The following KIZ variants were observed in gnomAD, a reference collection of about 807,000 sequenced individuals.
KIZ encodes the protein kizuna centrosomal protein.
Under a neutral mutation model 79.6 loss-of-function variants are expected in KIZ, and 68 were observed. That is an observed-to-expected ratio of 0.85 (90% CI 0.70 to 1.05). KIZ has a LOEUF of 1.05. Ranked by LOEUF, KIZ falls within the 50% of genes least tolerant of loss-of-function variation. KIZ has a pLI of 0.00. For missense variants in KIZ, 797 were observed against 800.4 expected (o/e 1.00, Z 0.05); for synonymous variants, 280 against 281.8 (o/e 0.99, Z 0.06).
chr20:21,174,938 G>T (rs994472562), intron 6 of KIZ, among the ~76,000 whole-genome samples: 4 of 152,226 alleles, frequency 2.6e-5, no homozygotes, highest in African/African-American at 9.6e-5. Context: ...ATAAGGAGCT[G>T]GAAGCATATT....
At chr20:21,190,432 T>A (rs749699186) in intron 6 of KIZ, among the ~76,000 whole-genome samples, 5 of 152,204 alleles carry the variant, frequency 3.3e-5, no homozygotes, top group African/African-American at 4.8e-5. Context: ...ACTATGGGGG[T>A]AGAGCTTCTA....
chr20:21,142,729 G>T (rs933898080), intron 3 of KIZ, among the ~76,000 whole-genome samples: 3 of 151,790 alleles, frequency 2.0e-5, no homozygotes. Flanking sequence ...GAGGTTGAAG[G>T]GCAGTGAGTT....
intron 4 of KIZ, among the ~76,000 whole-genome samples, chr20:21,149,227 A>G (rs2032994264): frequency 6.6e-6 from 1 of 152,212 alleles, no homozygotes; most frequent in Non-Finnish European, 1.5e-5. Context: ...CTAAGGTAGT[A>G]TGGGTAAAAG....
chr20:21,194,326 A>C (rs2035246678), intron 6 of KIZ: 1 of 152,246 alleles, frequency 6.6e-6, no homozygotes, highest in Admixed American at 6.5e-5. Flanking sequence ...CAGGTTCCTC[A>C]GGCCAGTGCC....
At chr20:21,146,322 G>A (rs1290948910) in intron 4 of KIZ, among the ~76,000 whole-genome samples, 3 of 152,270 alleles carry the variant, frequency 2.0e-5, no homozygotes, top group Admixed American at 6.5e-5. Flanking sequence ...TCAGCCAGTC[G>A]ATATTGTAAT....
At chr20:21,214,761 C>T in intron 8 of KIZ, 61 bp downstream of exon 8, 1 of 1,072,502 alleles carries the variant, frequency 9.3e-7, no homozygotes. Context: ...CATCATCTTT[C>T]TCAAGGTACA....
At chr20:21,190,116 C>T (rs1234945888) in intron 6 of KIZ, among the ~76,000 whole-genome samples, 1 of 152,216 alleles carries the variant, frequency 6.6e-6, no homozygotes, top group Non-Finnish European at 1.5e-5. Flanking sequence ...GGGTGTCAGG[C>T]TTGAGATAGT....
intron 2 of KIZ, among the ~76,000 whole-genome samples, chr20:21,133,398 T>A (rs1008497465): frequency 2.0e-5 from 3 of 152,224 alleles, no homozygotes; most frequent in African/African-American, 7.2e-5. Context: ...TCTGAGGGGA[T>A]CCTTGGCAGC....
At chr20:21,208,918 T>C (rs2035952234) in intron 7 of KIZ, among the ~76,000 whole-genome samples, 1 of 151,832 alleles carries the variant, frequency 6.6e-6, no homozygotes, top group African/African-American at 2.4e-5. Context: ...TGTTTCTGTG[T>C]ATTGAAACCA....
Position 21,163,155 on chromosome 20 carries a change from A to G in KIZ, c.1348A>G (p.Arg450Gly), listed in dbSNP as rs757824653. 1.2e-6 allele frequency: 2 copies of G among 1,603,858 alleles called. No homozygotes were observed. The highest frequency in any genetic ancestry group is 1.7e-6 in the Non-Finnish European group (2 of 1,175,274). The change falls in exon 6 of 13, where the codon AGA (arginine) becomes GGA (glycine). Residue 450 changes from arginine to glycine, a missense_variant. By Grantham distance (125) the Arg-to-Gly change is moderately radical (BLOSUM62 -2). Coordinates refer to ENST00000619189, the MANE Select transcript of KIZ (RefSeq NM_018474.6). ...GGAATCCTCCACTAACGCACCAACA[A>G]GAGAGTAAGCCATTCAATTTTTTTT... ...EKESSTNAPT[R>G]EPGQTPDSDV... is the part of the protein sequence containing the mutation.
chr20:21,126,330 C>T (rs2031465718), intron 1 of KIZ, 126 bp downstream of exon 1: 7 of 564,648 alleles, frequency 1.2e-5, no homozygotes, highest in African/African-American at 5.9e-5. Flanking sequence ...CGCAACGCCC[C>T]CCAGGCTCCC....
chr20:21,239,392 G>A (rs2037141116), intron 11 of KIZ, among the ~76,000 whole-genome samples: 1 of 152,194 alleles, frequency 6.6e-6, no homozygotes, highest in African/African-American at 2.4e-5. Flanking sequence ...GTCCCAGGAG[G>A]AGCATTTTGT....
intron 3 of KIZ, among the ~76,000 whole-genome samples, chr20:21,137,365 C>T (rs905275573): frequency 6.6e-6 from 1 of 152,074 alleles, no homozygotes; most frequent in Admixed American, 6.6e-5. Flanking sequence ...CCTTTATCCT[C>T]ACCATTTGCA....
chr20:21,208,634 C>T (rs973427611), intron 7 of KIZ, among the ~76,000 whole-genome samples: 1 of 151,148 alleles, frequency 6.6e-6, no homozygotes, highest in Admixed American at 6.6e-5. Flanking sequence ...ACCCAGGAGG[C>T]GGAGCTTGCG....
intron 9 of KIZ, among the ~76,000 whole-genome samples, chr20:21,228,287 A>C (rs1393309814): frequency 6.6e-6 from 1 of 152,164 alleles, no homozygotes; most frequent in East Asian, 1.9e-4. Flanking sequence ...AACTTAGAGT[A>C]ATGGGGAAGG....
intron 4 of KIZ, among the ~76,000 whole-genome samples, chr20:21,161,233 C>A (rs2033638298): frequency 6.6e-6 from 1 of 152,112 alleles, no homozygotes; most frequent in Admixed American, 6.5e-5. Flanking sequence ...GGGTACTAGA[C>A]CCTTATCAGA....
chr20:21,239,127 AG>A (rs1248593032), intron 11 of KIZ, among the ~76,000 whole-genome samples: 2 of 152,368 alleles, frequency 1.3e-5, no homozygotes, highest in Admixed American at 6.5e-5. Flanking sequence ...TAAATTTATC[AG>A]AACACTTCCA....
intron 3 of KIZ, among the ~76,000 whole-genome samples, chr20:21,142,398 T>G (rs1412592515): frequency 6.6e-6 from 1 of 152,104 alleles, no homozygotes; most frequent in East Asian, 1.9e-4. Flanking sequence ...TCAGTAAGCA[T>G]TGAGACTTCC....
chr20:21,140,776 C>T (rs192307410), intron 3 of KIZ, among the ~76,000 whole-genome samples: 11 of 151,924 alleles, frequency 7.2e-5, no homozygotes, highest in South Asian at 2.1e-4. Context: ...GCCAGGAATT[C>T]GAGACCAGCC....
Sources: allele counts gnomAD v4.1 joint callset (sites outside exome capture counted in the v4.1 genomes callset), GRCh38; gene constraint gnomAD v4.1.1; transcripts MANE v1.5; gene names NCBI Gene and HGNC (gene_info 2026-07-23, HGNC 2026-07-21).